WDR70: variants seen among roughly 807,000 people sequenced by gnomAD.
WDR70 encodes WD repeat domain 70, also known as WD repeat-containing protein 70.
Under a neutral mutation model 88.6 loss-of-function variants are expected in WDR70, and 53 were observed. The observed-to-expected ratio is 0.60, with a 90% CI of 0.48 to 0.75. WDR70 has a LOEUF of 0.75. Among genes scored for constraint, WDR70 ranks in the 30% least tolerant of loss-of-function variants. The pLI is 0.00. For missense variants in WDR70, 610 were observed against 823.2 expected, an observed-to-expected ratio of 0.74 and a Z score of 3.17; for synonymous variants, 280 against 270.0, an observed-to-expected ratio of 1.04 and a Z score of -0.36.
chr5:37,740,210 C>G (rs749443912), intron 17 of WDR70, among the ~76,000 whole-genome samples: 8 of 152,188 alleles, frequency 5.3e-5, no homozygotes, highest in Non-Finnish European at 1.2e-4. Context: ...TCATCTGTTC[C>G]TCATTGTTTT....
rs552979646 is a variant in WDR70, at chr5:37,527,566, G to T, written c.917+10976G>T. 7.2e-5 allele frequency among the ~76,000 whole-genome samples: 11 copies of T among 152,282 alleles called. No individual in the cohort carries two copies. In the South Asian group the frequency reaches 2.3e-3, roughly 32 times the overall value. On this transcript the variant is annotated intron_variant, in intron 9 of 17. Transcript: ENST00000265107. ...CCTAGGCAATACAATTCAGGACATA[G>T]GCATGGGCAAGGACTTATGTCTAAA...
At position 37,504,891 on chromosome 5, in the gene WDR70, C is replaced by T. The variant is rs568609482; in HGVS notation, c.841-11623C>T. Among the ~76,000 whole-genome samples the T allele has an allele frequency of 2.0e-5, 3 of 152,264 alleles. No homozygotes were observed. In the South Asian group the frequency reaches 6.2e-4, roughly 32 times the overall value. The stretch of plus-strand genomic sequence containing the variant: ...CCTGCTCTTGGGGTAGATATAAGGA[C>T]ACCAGGTCATTGGTAGGCAGGTACA... On this transcript the variant is annotated intron_variant, in intron 8 of 17. Transcript: ENST00000265107.
At chr5:37,438,188 G>A (rs1191887121) in intron 6 of WDR70, among the ~76,000 whole-genome samples, 1 of 152,088 alleles carries the variant, frequency 6.6e-6, no homozygotes. Flanking sequence ...TATTGTCACT[G>A]TTATTGTTGG....
chr5:37,576,131 TC>T (rs1561908616), intron 9 of WDR70, among the ~76,000 whole-genome samples: 1 of 26,484 alleles, frequency 3.8e-5, no homozygotes, highest in East Asian at 1.5e-3. Context: ...CCCTCCGCCC[TC>T]CTTCCCCCCT....
chr5:37,748,724 A>G (rs1748708549), intron 17 of WDR70, among the ~76,000 whole-genome samples: 1 of 152,240 alleles, frequency 6.6e-6, no homozygotes. Context: ...CGATCTGACA[A>G]AGGTCTAATA....
intron 10 of WDR70, among the ~76,000 whole-genome samples, chr5:37,694,054 C>T (rs551539537): frequency 2.6e-4 from 40 of 152,104 alleles, no homozygotes; most frequent in Non-Finnish European, 4.3e-4. Context: ...AACAGACACT[C>T]CTCAAAAGAA....
intron 5 of WDR70, among the ~76,000 whole-genome samples, chr5:37,415,573 C>T (rs1372913891): frequency 1.5e-5 from 2 of 133,942 alleles, no homozygotes; most frequent in African/African-American, 5.2e-5. Context: ...GCTGACCCCC[C>T]ACCTCCCTCC....
chr5:37,379,625 A>G, intron 2 of WDR70, 71 bp downstream of exon 2: 2 of 1,534,702 alleles, frequency 1.3e-6, no homozygotes, highest in East Asian at 2.3e-5. Flanking sequence ...GTGGGAGTGG[A>G]GATCGAGCTG....
chr5:37,721,281 C>A (rs1747807886), intron 14 of WDR70, 66 bp downstream of exon 14: 1 of 1,401,562 alleles, frequency 7.1e-7, no homozygotes, highest in Non-Finnish European at 1.0e-6. Context: ...TTCCCTCCCA[C>A]CCCCGCTTTT....
At chr5:37,693,712 G>T (rs536971456) in intron 10 of WDR70, among the ~76,000 whole-genome samples, 1 of 152,134 alleles carries the variant, frequency 6.6e-6, no homozygotes, top group East Asian at 1.9e-4. Context: ...AATTCAAGAT[G>T]GATTAAAGAC....
At chr5:37,402,944 G>GTGTTTT in intron 5 of WDR70, among the ~76,000 whole-genome samples, 1 of 84,380 alleles carries the variant, frequency 1.2e-5, no homozygotes, top group African/African-American at 5.1e-5. Context: ...CCCTCCCTCC[G>GTGTTTT]TTTTTTTTTT....
chr5:37,407,551 T>G (rs192946474), intron 5 of WDR70, among the ~76,000 whole-genome samples: 2 of 152,198 alleles, frequency 1.3e-5, no homozygotes, highest in Admixed American at 6.6e-5. Context: ...TCAGAACCAC[T>G]AAATAATTGG....
At chr5:37,709,093 A>G (rs954706835) in intron 13 of WDR70, among the ~76,000 whole-genome samples, 1 of 152,238 alleles carries the variant, frequency 6.6e-6, no homozygotes, top group African/African-American at 2.4e-5. Flanking sequence ...AGCTATCAGC[A>G]CTGCAAATGC....
chr5:37,658,780 G>C (rs543877911), intron 10 of WDR70, among the ~76,000 whole-genome samples: 1 of 152,242 alleles, frequency 6.6e-6, no homozygotes, highest in East Asian at 1.9e-4. Context: ...CAAAAGTCCA[G>C]ATTTTTGACA....
chr5:37,405,556 A>G (rs1242796481), intron 5 of WDR70, among the ~76,000 whole-genome samples: 1 of 152,010 alleles, frequency 6.6e-6, no homozygotes, highest in African/African-American at 2.4e-5. Flanking sequence ...CACATTGACC[A>G]TAGCTGTGCC....
intron 7 of WDR70, among the ~76,000 whole-genome samples, chr5:37,461,030 T>C (rs1287992075): frequency 6.6e-6 from 1 of 151,834 alleles, no homozygotes; most frequent in Non-Finnish European, 1.5e-5. Context: ...TTTGTTTTTA[T>C]TTTGCTCAGG....
At chr5:37,441,940 T>G (rs1750666849) in intron 6 of WDR70, among the ~76,000 whole-genome samples, 1 of 152,150 alleles carries the variant, frequency 6.6e-6, no homozygotes, top group African/African-American at 2.4e-5. Flanking sequence ...GACTCTCTGC[T>G]TTGAGAGAAA....
At chr5:37,516,684 G>A in intron 9 of WDR70, 94 bp downstream of exon 9, 1 of 528,556 alleles carries the variant, frequency 1.9e-6, no homozygotes, top group Non-Finnish European at 3.1e-6. Flanking sequence ...AATGTAGTAA[G>A]TGGAATATTA....
At chr5:37,665,720 G>T (rs1475284816) in intron 10 of WDR70, among the ~76,000 whole-genome samples, 1 of 152,198 alleles carries the variant, frequency 6.6e-6, no homozygotes, top group Non-Finnish European at 1.5e-5. Flanking sequence ...GTACATTTCA[G>T]ATTCACTCAG....
Sources: gnomAD v4.1 joint callset for allele counts (sites outside exome capture counted in the v4.1 genomes callset) on GRCh38, gnomAD v4.1.1 for gene constraint, MANE v1.5 for transcripts, NCBI Gene and HGNC (gene_info 2026-07-23, HGNC 2026-07-21) for gene names.